The following DOCK6 variants were observed in gnomAD, a reference collection of about 807,000 sequenced individuals.
DOCK6 encodes dedicator of cytokinesis protein 6.
Under a neutral mutation model 230.3 loss-of-function variants are expected in DOCK6, and 167 were observed. The ratio of observed to expected loss-of-function variants is 0.73; its 90% CI spans 0.64 to 0.82. The LOEUF is 0.82. Ranked by LOEUF, DOCK6 falls within the 40% of genes least tolerant of loss-of-function variation. The pLI is 0.00. For missense variants in DOCK6, 2,598 were observed against 2,825.8 expected (o/e 0.92, Z 1.83); for synonymous variants, 1,148 against 1,185.0 (o/e 0.97, Z 0.64).
intron 9 of DOCK6, among the ~76,000 whole-genome samples, chr19:11,245,012 C>A (rs906075817): frequency 6.6e-6 from 1 of 152,136 alleles, no homozygotes; most frequent in African/African-American, 2.4e-5. Context: ...GCAGTGGGAC[C>A]CTATCCACTC....
At position 11,228,928 on chromosome 19, in the gene DOCK6, A is replaced by AG. The variant is rs1213388723; in HGVS notation, c.2814+11dup. On this transcript the variant is annotated intron_variant, in intron 23 of 47. Transcript: ENST00000294618. ...GGTCTCTTGCCACCAGGCAGGGAGGAGGGGGTCTCACCATGAGCTGGAAGA... is the reference window on the plus strand; with the variant it reads ...GGTCTCTTGCCACCAGGCAGGGAGGAGGGGGGTCTCACCATGAGCTGGAAGA... The AG allele has an allele frequency of 1.5e-5, 25 of 1,613,064 alleles. No individual in the cohort carries two copies. In the African/African-American group the frequency reaches 3.2e-4, roughly 21 times the overall value.
At chr19:11,214,760 TTC>T (rs2079452864) in intron 32 of DOCK6, 111 bp from the exon 33 acceptor site, 8 of 964,560 alleles carry the variant, frequency 8.3e-6, no homozygotes, top group African/African-American at 5.0e-5. Context: ...CTGGAAGCTG[TTC>T]TGTTTTTTGT....
chr19:11,255,158 C>G (rs1052880172), intron 1 of DOCK6, among the ~76,000 whole-genome samples: 2 of 152,036 alleles, frequency 1.3e-5, no homozygotes, highest in Non-Finnish European at 2.9e-5. Context: ...CATGTGCCAC[C>G]ACACCTGGCT....
Position 11,243,930 on chromosome 19 carries a change from G to A in DOCK6, c.1024-48C>T, listed in dbSNP as rs2079992349. On this transcript the variant is annotated intron_variant, in intron 9 of 47. Coordinates refer to ENST00000294618, the MANE Select transcript of DOCK6 (RefSeq NM_020812.4). This position sits in a 1 kb window ranked among gnomAD's most constrained non-coding sequence, Gnocchi z 6.3. ...CAGTGAGGCGCTGCCCGAACGCTCT[G>A]TTCCCCCGTGCTGGCTCCCCAGCCT... is the stretch of plus-strand genomic sequence containing the variant. 4 of 1,561,046 alleles carry A rather than the reference G, an allele frequency of 2.6e-6. No individual in the cohort carries two copies. The highest frequency in any genetic ancestry group is 4.8e-5 in the East Asian group (2 of 42,054).
chr19:11,218,530 C>T (rs948701379), intron 28 of DOCK6, among the ~76,000 whole-genome samples: 2 of 152,102 alleles, frequency 1.3e-5, no homozygotes, highest in Admixed American at 6.6e-5. Context: ...TTACTGCAGC[C>T]TCAACCTCCT....
chr19:11,208,738 G>A lies in DOCK6; in HGVS notation c.5036C>T (p.Thr1679Ile). Residue 1679 changes from threonine to isoleucine, a missense_variant, in exon 39 of 48, where the codon ACT (threonine) becomes ATT (isoleucine). By Grantham distance (89) the Thr-to-Ile change is moderately conservative. Coordinates refer to ENST00000294618, the MANE Select transcript of DOCK6 (RefSeq NM_020812.4). Reference sequence around the variant, plus strand: ...CAGCAACCCTACCAGCCCCAGCTCAGTGAAGTGCTTCCCGGAGCAGAAGCC... The same window carrying A: ...CAGCAACCCTACCAGCCCCAGCTCAATGAAGTGCTTCCCGGAGCAGAAGCC... ...EEGFCSGKHF[T>I]ELGLVGLLEQ... 6.2e-7 allele frequency: 1 copy of A among 1,613,740 alleles called. No homozygotes were observed. Among genetic ancestry groups the A allele is most frequent in the Non-Finnish European group, 8.5e-7 (1 of 1,179,734 alleles).
intron 1 of DOCK6, among the ~76,000 whole-genome samples, chr19:11,256,925 C>T (rs2080206320): frequency 1.3e-5 from 2 of 152,026 alleles, no homozygotes; most frequent in South Asian, 4.1e-4. Context: ...GTGATGCACC[C>T]ACCTCAGCCT....
intron 47 of DOCK6, 123 bp from the exon 48 acceptor site, chr19:11,199,662 T>C (rs890923982): frequency 2.1e-5 from 22 of 1,062,926 alleles, no homozygotes; most frequent in African/African-American, 4.7e-5. Context: ...GGATCTCTCC[T>C]GTCCCTGATC....
At position 11,215,881 on chromosome 19, in the gene DOCK6, G is replaced by T; in HGVS notation, c.3941C>A (p.Ser1314Tyr). 6.2e-7 allele frequency: 1 copy of T among 1,613,896 alleles called. No individual in the cohort carries two copies. The highest frequency in any genetic ancestry group is 8.5e-7 in the Non-Finnish European group (1 of 1,179,864). Residue 1314 changes from serine (S) to tyrosine (Y), a missense_variant, in exon 31 of 48, where the codon TCT becomes TAT. Coordinates refer to ENST00000294618, the MANE Select transcript of DOCK6 (RefSeq NM_020812.4). The stretch of plus-strand genomic sequence containing the variant: ...CTCTAGCCGCGCCTTCATATCCAGA[G>T]ATTTTTTGAATGTGAGGCTGTTGAT... ...ERINSLTFKK[S>Y]LDMKARLEEA...
In DOCK6 at chr19:11,222,546, T is replaced by G. The variant is rs541696583; in HGVS notation, c.3240+189A>C. Among the ~76,000 whole-genome samples, 1 of 152,158 alleles carries G rather than the reference T, an allele frequency of 6.6e-6. No individual in the cohort carries two copies. Among genetic ancestry groups the G allele is most frequent in the South Asian group, 2.1e-4 (1 of 4,808 alleles). Reference sequence around the variant, plus strand: ...TTAGGGGAGAGAAATCAGAGGTTAGTCCTTCTGGGAAATTGCTGAGAATGG... The same window carrying G: ...TTAGGGGAGAGAAATCAGAGGTTAGGCCTTCTGGGAAATTGCTGAGAATGG... On this transcript the variant is annotated intron_variant, in intron 26 of 47. Transcript: ENST00000294618. The surrounding 1 kb of genome is among the most constrained non-coding windows in gnomAD (Gnocchi z 4.0).
chr19:11,204,423 C>T (rs2079223809), intron 39 of DOCK6, 92 bp from the exon 40 acceptor site: 3 of 1,511,890 alleles, frequency 2.0e-6, no homozygotes, highest in Non-Finnish European at 2.7e-6. Context: ...CCTCCGTGCT[C>T]CTACCCACCC....
rs1222236657 is a variant in DOCK6, at chr19:11,248,110, G to T, written c.762C>A (p.Arg254=). 4 of 1,612,556 alleles carry T rather than the reference G, an allele frequency of 2.5e-6. No homozygotes were observed. The highest frequency in any genetic ancestry group is 1.3e-5 in the African/African-American group (1 of 74,904). The change falls in exon 7 of 48, where the codon CGC becomes CGA. Residue 254 remains arginine, a synonymous_variant. Coordinates refer to ENST00000294618, the MANE Select transcript of DOCK6 (RefSeq NM_020812.4). ...VERCSRPEPP[R]EHFGQRILVK... is the part of the protein sequence containing the mutation. ...CCAAGATCCTTTGTCCAAAGTGCTC[G>T]CGGGGTGGCTCTGGGCGGCTACAGC...
chr19:11,223,636 T>C (rs1159118259), intron 24 of DOCK6, among the ~76,000 whole-genome samples: 2 of 152,156 alleles, frequency 1.3e-5, no homozygotes, highest in Non-Finnish European at 2.9e-5. Flanking sequence ...TTATTTTTAT[T>C]TTAATTTTAA....
intron 22 of DOCK6, among the ~76,000 whole-genome samples, chr19:11,230,803 T>A (rs1475908533): frequency 1.3e-5 from 2 of 152,092 alleles, no homozygotes; most frequent in African/African-American, 2.4e-5. Context: ...TGGGCCTCAG[T>A]ATCCCCATCT....
Position 11,213,299 on chromosome 19 carries a change from C to A in DOCK6, c.4368G>T (p.Thr1456=). 1 of 1,612,394 alleles carries A rather than the reference C, an allele frequency of 6.2e-7. No homozygotes were observed. The highest frequency in any genetic ancestry group is 8.5e-7 in the Non-Finnish European group (1 of 1,179,828). Residue 1456 remains threonine (T), a synonymous_variant, in exon 35 of 48, where the codon ACG becomes ACT. Coordinates refer to ENST00000294618, the MANE Select transcript of DOCK6 (RefSeq NM_020812.4). ...TCAGGCACAGGTCGGCACACAGCTC[C>A]GTGTCCTCCTCGAACAGCAGCTCCG... The part of the protein sequence containing the change: ...KFPELLFEED[T]ELCADLCLRL...
intron 4 of DOCK6, 43 bp from the exon 5 acceptor site, chr19:11,252,291 C>T (rs763869236): frequency 4.5e-6 from 7 of 1,568,260 alleles, no homozygotes; most frequent in South Asian, 1.2e-5. Flanking sequence ...GGCTGAGGGC[C>T]CCCAGGGGGT....
At chr19:11,247,088 G>A (rs896753482) in intron 7 of DOCK6, among the ~76,000 whole-genome samples, 1 of 152,140 alleles carries the variant, frequency 6.6e-6, no homozygotes, top group Non-Finnish European at 1.5e-5. Flanking sequence ...CCTGTATACA[G>A]TAGGGACTTC....
chr19:11,236,551 G>A lies in DOCK6; in HGVS notation c.2187C>T (p.Thr729=). 1 of 1,598,732 alleles carries A rather than the reference G, an allele frequency of 6.3e-7. No homozygotes were observed. The highest frequency in any genetic ancestry group is 8.5e-7 in the Non-Finnish European group (1 of 1,173,110). Residue 729 remains threonine, a synonymous_variant, in exon 20 of 48, where the codon ACC becomes ACT. Transcript: ENST00000294618. This position sits in a 1 kb window ranked among gnomAD's most constrained non-coding sequence, Gnocchi z 5.2. ...CTCCCTCCTCCAGGACGTGCACCAG[G>A]GTGAAGAATTTGTCCAGGTAGGGGT... is the stretch of plus-strand genomic sequence containing the variant. ...PQDPYLDKFF[T]LVHVLEEGAF... is the part of the protein sequence containing the mutation.
Position 11,252,239 on chromosome 19 carries a change from G to C in DOCK6, c.387C>G (p.Tyr129Ter), listed in dbSNP as rs752015120. ...TGACGGGGCTGTATGCTGCACTCAG[G>C]TACTGATACCTAGCAGGAAACGGGG... ...DWVIVHRRYQ[Y>*]LSAAYSPVTT... The change falls in exon 5 of 48, where the codon TAC becomes TAG. Residue 129 changes from tyrosine to a stop codon, truncating the protein, a stop_gained. Transcript: ENST00000294618. LOFTEE classifies it high-confidence loss of function. 1.9e-6 allele frequency: 3 copies of C among 1,583,958 alleles called. No individual in the cohort carries two copies. The highest frequency in any genetic ancestry group is 1.1e-5 in the South Asian group (1 of 86,984).
Sources: gnomAD v4.1 joint callset for allele counts (sites outside exome capture counted in the v4.1 genomes callset) on GRCh38, gnomAD v4.1.1 for gene constraint, Gnocchi (gnomAD v3.1) non-coding constraint, MANE v1.5 for transcripts, NCBI Gene and HGNC (gene_info 2026-07-23, HGNC 2026-07-21) for gene names.